The following SOX5 variants were observed in gnomAD, a reference collection of about 807,000 sequenced individuals.
SOX5 encodes SRY-box transcription factor 5.
In SOX5, 9 loss-of-function variants were observed where a neutral mutation model predicts 92.0. The observed-to-expected ratio is 0.10, with a 90% CI of 0.06 to 0.17. The LOEUF (loss-of-function observed/expected upper bound fraction) is 0.17, where lower values mean the gene tolerates loss of function less well. Among genes scored for constraint, SOX5 ranks in the 10% least tolerant of loss-of-function variants. SOX5 has a pLI of 1.00. For missense variants in SOX5, 642 were observed against 944.5 expected, an observed-to-expected ratio of 0.68 and a Z score of 4.20; for synonymous variants, 344 against 336.3, an observed-to-expected ratio of 1.02 and a Z score of -0.25.
chr12:23,633,543 T>C (rs1410536345), intron 8 of SOX5, among the ~76,000 whole-genome samples: 1 of 151,914 alleles, frequency 6.6e-6, no homozygotes, highest in Non-Finnish European at 1.5e-5. Flanking sequence ...AGCATCAGTA[T>C]AATAAATAAG....
Position 24,083,326 on chromosome 12 carries a change from A to T in SOX5, c.-2+130017T>A, listed in dbSNP as rs1331496862. Among the ~76,000 whole-genome samples, 3 of 152,044 alleles carry T rather than the reference A, an allele frequency of 2.0e-5. No individual in the cohort carries two copies. The East Asian group carries it at 5.8e-4, about 29-fold the overall frequency. On this transcript the variant is annotated intron_variant, in intron 4 of 4. Transcript: ENST00000446891. ...GAATTACAAAGACCAAATATATATA[A>T]TCACACATACAAGATTTAAAACATG... is the stretch of plus-strand genomic sequence containing the variant.
At chr12:23,844,953 C>G (rs2096558606) in intron 3 of SOX5, among the ~76,000 whole-genome samples, 1 of 152,166 alleles carries the variant, frequency 6.6e-6, no homozygotes, top group Non-Finnish European at 1.5e-5. Flanking sequence ...TTCCAATTCT[C>G]AGATCATGAG....
intron 8 of SOX5, among the ~76,000 whole-genome samples, chr12:23,618,405 G>T (rs2076812756): frequency 6.6e-6 from 1 of 152,114 alleles, no homozygotes; most frequent in African/African-American, 2.4e-5. Context: ...CCAACAGATT[G>T]GGGGGTAGTA....
At chr12:24,193,389 T>C (rs1373407276) in intron 4 of SOX5, among the ~76,000 whole-genome samples, 1 of 152,244 alleles carries the variant, frequency 6.6e-6, no homozygotes, top group African/African-American at 2.4e-5. Context: ...ACCCAGGGAC[T>C]GAAGTCAATC....
At chr12:24,466,794 T>C (rs1944284603) in intron 1 of SOX5, among the ~76,000 whole-genome samples, 1 of 152,206 alleles carries the variant, frequency 6.6e-6, no homozygotes, top group Non-Finnish European at 1.5e-5. Context: ...AATCAAATGT[T>C]TGAGAATGGA....
At chr12:23,737,259 C>T (rs2093634699) in intron 5 of SOX5, among the ~76,000 whole-genome samples, 1 of 152,006 alleles carries the variant, frequency 6.6e-6, no homozygotes, top group African/African-American at 2.4e-5. Context: ...GATCACAGAC[C>T]AGCACCCTGA....
intron 1 of SOX5, among the ~76,000 whole-genome samples, chr12:24,502,588 T>C (rs1948324471): frequency 6.6e-6 from 1 of 152,100 alleles, no homozygotes; most frequent in Non-Finnish European, 1.5e-5. Context: ...ATACAAAATC[T>C]CCATGAGAAT....
intron 3 of SOX5, among the ~76,000 whole-genome samples, chr12:23,768,336 T>G (rs1204372160): frequency 6.6e-6 from 1 of 152,108 alleles, no homozygotes; most frequent in Non-Finnish European, 1.5e-5. Context: ...AAGGTGTTTA[T>G]ACCGCTGGGA....
intron 1 of SOX5, among the ~76,000 whole-genome samples, chr12:24,506,351 A>G (rs1948738929): frequency 6.6e-6 from 1 of 152,262 alleles, no homozygotes; most frequent in Non-Finnish European, 1.5e-5. Flanking sequence ...AGAAAAAAAT[A>G]AATTTTGAAA....
At chr12:23,706,179 GA>G (rs1219023224) in intron 6 of SOX5, among the ~76,000 whole-genome samples, 1 of 152,000 alleles carries the variant, frequency 6.6e-6, no homozygotes, top group Admixed American at 6.6e-5. Context: ...AAATGGCAAA[GA>G]GGGGGGAGAA....
At chr12:23,610,468 G>A (rs1241699020) in intron 8 of SOX5, among the ~76,000 whole-genome samples, 2 of 152,056 alleles carry the variant, frequency 1.3e-5, no homozygotes, top group African/African-American at 4.8e-5. Flanking sequence ...TTATGTCCCT[G>A]CTAATCAATG....
rs957948647 is a variant in SOX5, at chr12:24,282,103, G to T, written c.-173-4791C>A. 4.6e-5 allele frequency among the ~76,000 whole-genome samples: 7 copies of T among 152,280 alleles called. No homozygotes were observed. In the East Asian group the frequency reaches 1.3e-3, roughly 29 times the overall value. ...CCAAATCTCAATTCCGTAGTACTTT[G>T]CTATGCTGTTGTTTCCTAATGTCAC... On this transcript the variant is annotated intron_variant, in intron 2 of 4. Transcript: ENST00000446891.
intron 1 of SOX5, among the ~76,000 whole-genome samples, chr12:24,433,987 T>C (rs1185357717): frequency 6.6e-6 from 1 of 152,114 alleles, no homozygotes; most frequent in Non-Finnish European, 1.5e-5. Flanking sequence ...GCCAATGGCA[T>C]TGCCTCAGGA....
intron 4 of SOX5, among the ~76,000 whole-genome samples, chr12:23,754,673 A>G (rs1005438330): frequency 1.4e-4 from 21 of 151,972 alleles, no homozygotes; most frequent in South Asian, 4.1e-4. Flanking sequence ...CAAACATTTA[A>G]GACTGATGCT....
chr12:23,841,420 A>G (rs2096513530), intron 3 of SOX5, among the ~76,000 whole-genome samples: 1 of 152,080 alleles, frequency 6.6e-6, no homozygotes, highest in African/African-American at 2.4e-5. Flanking sequence ...GCTAAAATAT[A>G]ATCTTCTCAT....
intron 2 of SOX5, among the ~76,000 whole-genome samples, chr12:24,301,667 C>T (rs1037192218): frequency 1.3e-5 from 2 of 152,138 alleles, no homozygotes; most frequent in African/African-American, 2.4e-5. Context: ...CTGACTGAAA[C>T]GTTTATTTCT....
chr12:24,041,132 G>C (rs549567196), intron 4 of SOX5, among the ~76,000 whole-genome samples: 2 of 152,232 alleles, frequency 1.3e-5, no homozygotes, highest in South Asian at 4.1e-4. Context: ...GCTGCAAATG[G>C]ATAAGAGATA....
rs373846810 is a variant in SOX5, at chr12:23,801,388, G to GT, written c.481+44594dup. The stretch of plus-strand genomic sequence containing the variant: ...TCTTCCAAACCCATTTAAACCTGCA[G>GT]TTTTTTAAAGGTGGCAATCAAAAGA... On this transcript the variant is annotated intron_variant, in intron 3 of 14. Coordinates refer to ENST00000451604, the MANE Select transcript of SOX5 (RefSeq NM_006940.6). 2.6e-5 allele frequency among the ~76,000 whole-genome samples: 4 copies of GT among 152,222 alleles called. No homozygotes were observed. In the East Asian group the frequency reaches 7.7e-4, roughly 29 times the overall value.
chr12:23,605,841 G>C lies in SOX5; in HGVS notation c.1018-1308C>G, dbSNP rs563883942. Among the ~76,000 whole-genome samples the C allele has an allele frequency of 1.7e-3, 258 of 151,906 alleles. 1 individual carries two copies. Among genetic ancestry groups the C allele is most frequent in the African/African-American group, 5.9e-3 (246 of 41,486 alleles). On this transcript the variant is annotated intron_variant, in intron 8 of 14. Coordinates refer to ENST00000451604, the MANE Select transcript of SOX5 (RefSeq NM_006940.6). ...ATTAAAGTTATCGATAAAAATTATG[G>C]CTTAATTTTATGCAAATTAATGTAA...
Sources: allele counts gnomAD v4.1 joint callset (sites outside exome capture counted in the v4.1 genomes callset), GRCh38; gene constraint gnomAD v4.1.1; transcripts MANE v1.5; gene names NCBI Gene and HGNC (gene_info 2026-07-23, HGNC 2026-07-21).